ADCY7: variants seen among roughly 807,000 people sequenced by gnomAD.
ADCY7 encodes the protein adenylate cyclase 7.
In ADCY7, 72 loss-of-function variants were observed where a neutral mutation model predicts 120.6. The ratio of observed to expected loss-of-function variants is 0.60; its 90% confidence interval spans 0.49 to 0.73. The LOEUF is 0.73. ADCY7 is among the 30% of genes least tolerant of loss of function. The pLI is 0.00. For missense variants in ADCY7, 1,227 were observed against 1,486.0 expected (o/e 0.83, Z 2.87); for synonymous variants, 661 against 628.0 (o/e 1.05, Z -0.78).
intron 1 of ADCY7, among the ~76,000 whole-genome samples, chr16:50,253,741 G>A (rs537215884): frequency 1.4e-3 from 211 of 152,278 alleles, no homozygotes; most frequent in Non-Finnish European, 1.0e-3. Flanking sequence ...TTCTAATGAC[G>A]CCGCCCAGGC....
Position 50,307,158 on chromosome 16 carries a change from G to C in ADCY7, c.1850+11G>C, listed in dbSNP as rs747490857. 4 of 1,610,172 alleles carry C rather than the reference G, an allele frequency of 2.5e-6. No homozygotes were observed. On this transcript the variant is annotated intron_variant, in intron 15 of 25. Transcript: ENST00000673801. The stretch of plus-strand genomic sequence containing the variant: ...CCTGCTCATGCCCAGGTCAGTTGCA[G>C]GGAGGGGTGTGGGGGTCCGGCCTGC...
At chr16:50,300,269 C>T (rs574891897) in intron 8 of ADCY7, among the ~76,000 whole-genome samples, 12 of 152,160 alleles carry the variant, frequency 7.9e-5, no homozygotes, top group Middle Eastern at 3.4e-3. Flanking sequence ...CAGGGTTTTG[C>T]CATATTGGCC....
Position 50,285,916 on chromosome 16 carries a change from G to GAATATGCT in ADCY7, c.-268-1993_-268-1986dup, listed in dbSNP as rs576149210. On this transcript the variant is annotated intron_variant, in intron 1 of 25. Transcript: ENST00000673801. ...ATTCACAAGCCTTTTTGGAATCAATGAATATGCTAAGGAATGAATGGTGCT... is the reference window on the plus strand; with the variant it reads ...ATTCACAAGCCTTTTTGGAATCAATGAATATGCTAATATGCTAAGGAATGAATGGTGCT... Among the ~76,000 whole-genome samples, 790 of 152,242 alleles carry GAATATGCT rather than the reference G, an allele frequency of 5.2e-3. 3 individuals are homozygous for GAATATGCT. The highest frequency in any genetic ancestry group is 0.017 in the Middle Eastern group (5 of 294).
upstream of ADCY7, among the ~76,000 whole-genome samples, chr16:50,263,049 G>T (rs910833232): frequency 5.9e-5 from 9 of 152,212 alleles, no homozygotes; most frequent in African/African-American, 1.9e-4. Context: ...AGCATGGGTT[G>T]TGAAGTCAGG....
At chr16:50,249,867 C>T (rs376218566) in intron 1 of ADCY7, among the ~76,000 whole-genome samples, 21 of 152,338 alleles carry the variant, frequency 1.4e-4, no homozygotes, top group Admixed American at 3.9e-4. Context: ...TAATGACCAC[C>T]TGCTGAGTGA....
intron 19 of ADCY7, among the ~76,000 whole-genome samples, 193 bp downstream of exon 19, chr16:50,311,073 GCCACCGGGTCAT>G (rs2036427803): frequency 6.6e-6 from 1 of 152,180 alleles, no homozygotes. Context: ...TCTGACAGAG[GCCACCGGGTCAT>G]CCTGTTTCCA....
intron 1 of ADCY7, among the ~76,000 whole-genome samples, chr16:50,283,386 C>T (rs1242064993): frequency 1.3e-5 from 2 of 152,114 alleles, no homozygotes; most frequent in South Asian, 2.1e-4. Context: ...TGTGGTGGCT[C>T]GGGTGTCTGC....
intron 1 of ADCY7, among the ~76,000 whole-genome samples, chr16:50,272,565 G>A (rs982469811): frequency 6.6e-6 from 1 of 152,192 alleles, no homozygotes; most frequent in African/African-American, 2.4e-5. Flanking sequence ...TCTTCCTGGT[G>A]GGAGCTATGT....
intron 10 of ADCY7, chr16:50,301,920 G>C (rs976958968): frequency 1.3e-5 from 2 of 153,020 alleles, no homozygotes; most frequent in African/African-American, 4.8e-5. Flanking sequence ...GGGACCAAGG[G>C]CTGGCCTGTG....
Position 50,293,517 on chromosome 16 carries a change from G to T in ADCY7, c.836+15G>T, listed in dbSNP as rs370311097. ...CAGAATGTCAGGTGGGCGGTGAGAC[G>T]TGTGATTAGCATATCCCGGGGACTG... On this transcript the variant is annotated intron_variant, in intron 6 of 25. Transcript: ENST00000673801. The T allele has an allele frequency of 2.5e-6, 4 of 1,613,190 alleles. 1 individual carries two copies. In the South Asian group the frequency reaches 4.4e-5, roughly 18 times the overall value.
chr16:50,308,530 C>T, intron 16 of ADCY7, 119 bp downstream of exon 16: 2 of 1,560,814 alleles, frequency 1.3e-6, no homozygotes, highest in Non-Finnish European at 1.7e-6. Context: ...GTTGGGTGCC[C>T]ATCTCTCCTG....
intron 14 of ADCY7, among the ~76,000 whole-genome samples, chr16:50,306,579 TG>T (rs1251423063): frequency 6.9e-5 from 1 of 14,540 alleles, no homozygotes; most frequent in East Asian, 3.3e-3. Context: ...GGAGTGGGGG[TG>T]GGGGGCGGGA....
intron 1 of ADCY7, among the ~76,000 whole-genome samples, chr16:50,255,412 A>AAAAAAAAAAAAC (rs557179196): frequency 1.4e-5 from 2 of 147,626 alleles, no homozygotes; most frequent in African/African-American, 5.0e-5. Context: ...GAAAAAAAAA[A>AAAAAAAAAAAAC]AAAAAAAAAG....
intron 8 of ADCY7, among the ~76,000 whole-genome samples, chr16:50,300,190 C>A (rs2151015319): frequency 1.3e-5 from 2 of 152,300 alleles, no homozygotes; most frequent in Middle Eastern, 6.8e-3. Flanking sequence ...CCTGTCTCAG[C>A]CTCCCAAGTA....
At position 50,316,972 on chromosome 16, in the gene ADCY7, T is replaced by G. The variant is rs1064448; in HGVS notation, c.*1467T>G. 57,833 of 152,646 alleles carry G rather than the reference T, an allele frequency of 0.38. 12,720 individuals are homozygous for G. The highest frequency in any genetic ancestry group is 0.54 in the Middle Eastern group (159 of 294). The allele number at this position is 152,646 out of a possible 1,614,324, so 9.5% of individuals were successfully genotyped here. A position where few individuals can be genotyped will look rare whatever the true frequency, so the allele number is the denominator to read the frequency against. On this transcript the variant is annotated 3_prime_UTR_variant, in exon 26 of 26. Coordinates refer to ENST00000673801, the MANE Select transcript of ADCY7 (RefSeq NM_001114.5). ...CCTTTACAAGATGATTATACAGGGTTGCAGATTGGGTGACTGACCAGACTT... is the reference window on the plus strand; with the variant it reads ...CCTTTACAAGATGATTATACAGGGTGGCAGATTGGGTGACTGACCAGACTT...
Position 50,308,726 on chromosome 16 carries a change from C to T in ADCY7, c.1995C>T (p.Pro665=). Residue 665 remains proline (P), a synonymous_variant, in exon 17 of 26, where the codon CCC becomes CCT. Transcript: ENST00000673801. ...CTISERVETQ[P]LLRLTLAVLT... is the part of the protein sequence containing the mutation. The stretch of plus-strand genomic sequence containing the variant: ...TCTCTGAGAGGGTGGAGACACAGCC[C>T]CTGCTGAGGCTGACCCTGGCCGTCC... The T allele has an allele frequency of 6.2e-7, 1 of 1,613,638 alleles. No homozygotes were observed. Among genetic ancestry groups the T allele is most frequent in the South Asian group, 1.1e-5 (1 of 91,082 alleles).
At chr16:50,302,654 TC>T (rs1175692721) in intron 10 of ADCY7, among the ~76,000 whole-genome samples, 3 of 138,502 alleles carry the variant, frequency 2.2e-5, no homozygotes, top group African/African-American at 8.0e-5. Context: ...GTAGAAAGAC[TC>T]CTTGTCCCCA....
chr16:50,312,750 C>T (rs537040245), intron 21 of ADCY7, 140 bp from the exon 22 acceptor site: 3 of 812,090 alleles, frequency 3.7e-6, no homozygotes, highest in East Asian at 2.7e-5. Flanking sequence ...CCAGATGAAA[C>T]TCATGCAGCC....
At position 50,314,457 on chromosome 16, in the gene ADCY7, C is replaced by T. The variant is rs766343127; in HGVS notation, c.2971+51C>T. ...GGGGAGCCCCTGCCTCTAGGCCAGT[C>T]CACCCAGTCTGTGTGGCACAGCTGC... is the stretch of plus-strand genomic sequence containing the variant. On this transcript the variant is annotated intron_variant, in intron 24 of 25. Transcript: ENST00000673801. The T allele has an allele frequency of 6.4e-6, 9 of 1,414,222 alleles. No homozygotes were observed. The Admixed American group carries it at 1.4e-4, about 21-fold the overall frequency. 87.6% of individuals were successfully genotyped at this position (1,414,222 alleles called of 1,614,324 possible).
Sources: allele counts gnomAD v4.1 joint callset (sites outside exome capture counted in the v4.1 genomes callset), GRCh38; gene constraint gnomAD v4.1.1; transcripts MANE v1.5; gene names NCBI Gene and HGNC (gene_info 2026-07-23, HGNC 2026-07-21).